Variants in ELAVL1 observed in about 807,000 individuals in gnomAD.
ELAVL1 encodes the protein ELAV-like protein 1.
In ELAVL1, 1 loss-of-function variant was observed where a neutral mutation model predicts 28.4. That is an observed-to-expected ratio of 0.04 (90% confidence interval 0.01 to 0.17). The LOEUF is 0.17. Ranked by LOEUF, ELAVL1 falls within the 10% of genes least tolerant of loss-of-function variation. ELAVL1 has a pLI of 1.00. For missense variants in ELAVL1, 157 were observed against 447.2 expected (o/e 0.35, Z 5.85); for synonymous variants, 174 against 183.5 (o/e 0.95, Z 0.42).
At chr19:7,999,839 C>T (rs528158991) in intron 1 of ELAVL1, among the ~76,000 whole-genome samples, 25 of 152,218 alleles carry the variant, frequency 1.6e-4, no homozygotes, top group Non-Finnish European at 1.3e-4. Flanking sequence ...TGCAGTGGTG[C>T]GATCTTGGCT....
chr19:8,002,944 T>C (rs933382602), intron 1 of ELAVL1, among the ~76,000 whole-genome samples: 1 of 152,122 alleles, frequency 6.6e-6, no homozygotes, highest in Admixed American at 6.6e-5. Context: ...CACAAAGATT[T>C]TAAATCAGAA....
In ELAVL1 at chr19:7,963,382, A is replaced by T; in HGVS notation, c.*101T>A. ...ACTTCTCATTCAGACAAAGACAAACACTTGTGAAAATTGGCGCAAAATGAG... is the reference window on the plus strand; with the variant it reads ...ACTTCTCATTCAGACAAAGACAAACTCTTGTGAAAATTGGCGCAAAATGAG... On this transcript the variant is annotated 3_prime_UTR_variant, in exon 6 of 6. Coordinates refer to ENST00000407627, the MANE Select transcript of ELAVL1 (RefSeq NM_001419.3). The surrounding 1 kb of genome is among the most constrained non-coding windows in gnomAD (Gnocchi z 4.5). 7.3e-7 allele frequency: 1 copy of T among 1,370,550 alleles called. No individual in the cohort carries two copies. The highest frequency in any genetic ancestry group is 9.9e-7 in the Non-Finnish European group (1 of 1,007,292). The allele number at this position is 1,370,550 out of a possible 1,614,324, so 84.9% of individuals were successfully genotyped here.
At chr19:8,003,114 G>A (rs540097858) in intron 1 of ELAVL1, among the ~76,000 whole-genome samples, 20 of 152,080 alleles carry the variant, frequency 1.3e-4, no homozygotes, top group African/African-American at 4.6e-4. Context: ...TGGGCTGGGC[G>A]CGGTGGCTCA....
At chr19:7,994,796 A>C (rs777508692) in intron 1 of ELAVL1, among the ~76,000 whole-genome samples, 2 of 152,200 alleles carry the variant, frequency 1.3e-5, no homozygotes, top group Non-Finnish European at 2.9e-5. Context: ...TCAACAAAAA[A>C]TAAAATAATT....
intron 4 of ELAVL1, among the ~76,000 whole-genome samples, chr19:7,970,989 C>T (rs977314342): frequency 6.6e-6 from 1 of 152,244 alleles, no homozygotes; most frequent in African/African-American, 2.4e-5. Context: ...CACCTTCCCA[C>T]CAATTCTGCA....
chr19:7,973,873 C>T lies in ELAVL1; in HGVS notation c.282G>A (p.Ser94=), dbSNP rs1233192470. The stretch of plus-strand genomic sequence containing the variant: ...TCACCTCTGAGCTCGGGCGAGCATA[C>T]GACACCTTGGGAACACAACCACTTT... ...LRLQSKTIKV[S]YARPSSEVIK... Residue 94 remains serine, a synonymous_variant, in exon 4 of 6, where the codon TCG becomes TCA. Transcript: ENST00000407627. 41 of 1,613,878 alleles carry T rather than the reference C, an allele frequency of 2.5e-5. No homozygotes were observed. The highest frequency in any genetic ancestry group is 2.8e-5 in the Non-Finnish European group (33 of 1,179,924).
chr19:7,991,793 T>A lies in ELAVL1; in HGVS notation c.23A>T (p.His8Leu), dbSNP rs754511831. 6.2e-7 allele frequency: 1 copy of A among 1,613,616 alleles called. No individual in the cohort carries two copies. The highest frequency in any genetic ancestry group is 8.5e-7 in the Non-Finnish European group (1 of 1,179,848). Residue 8 changes from histidine (H) to leucine (L), a missense_variant, in exon 2 of 6, where the codon CAC becomes CTC. By Grantham distance (99) the His-to-Leu change is moderately conservative. This residue lies in a region of ELAVL1 where 22 missense variants were observed against 23.7 expected (regional missense o/e 0.93). Coordinates refer to ENST00000407627, the MANE Select transcript of ELAVL1 (RefSeq NM_001419.3). ...GTCACCCCTGCAGTCTTCGGCCATG[T>A]GGTCTTCATAACCATTAGACATTGT... MSNGYED[H>L]MAEDCRGDIG...
At chr19:7,991,932 C>CTTTTTTTTT (rs398033838) in intron 1 of ELAVL1, 101 bp from the exon 2 acceptor site, 13 of 621,578 alleles carry the variant, frequency 2.1e-5, no homozygotes, top group African/African-American at 6.2e-5. Context: ...TTCTTTCTTT[C>CTTTTTTTTT]TTTTTTTTTT....
chr19:7,989,601 T>C (rs1241127995), intron 2 of ELAVL1, among the ~76,000 whole-genome samples: 1 of 152,216 alleles, frequency 6.6e-6, no homozygotes, highest in African/African-American at 2.4e-5. Flanking sequence ...TGCTCAGGAA[T>C]ATCAAGGAAA....
intron 3 of ELAVL1, among the ~76,000 whole-genome samples, chr19:7,974,867 C>G (rs1985236427): frequency 6.6e-6 from 1 of 152,218 alleles, no homozygotes; most frequent in African/African-American, 2.4e-5. Context: ...CACACAGCAT[C>G]CTCTGAGAAG....
chr19:7,987,772 G>T (rs923482455), intron 2 of ELAVL1, among the ~76,000 whole-genome samples: 1 of 152,220 alleles, frequency 6.6e-6, no homozygotes, highest in African/African-American at 2.4e-5. Flanking sequence ...CCTCCCTCCA[G>T]GAGAGATACT....
At chr19:7,973,438 G>T in intron 4 of ELAVL1, 1 of 448,778 alleles carries the variant, frequency 2.2e-6, no homozygotes, top group Non-Finnish European at 3.9e-6. Context: ...CACCATGTTG[G>T]TCAGGCTGGT....
In ELAVL1 at chr19:7,982,094, G is replaced by C. The variant is rs1438099512; in HGVS notation, c.173-908C>G. 2.6e-5 allele frequency among the ~76,000 whole-genome samples: 4 copies of C among 152,198 alleles called. No homozygotes were observed. On this transcript the variant is annotated intron_variant, in intron 2 of 5. Coordinates refer to ENST00000407627, the MANE Select transcript of ELAVL1 (RefSeq NM_001419.3). The surrounding 1 kb of genome is among the most constrained non-coding windows in gnomAD (Gnocchi z 4.3). ...CCCCCTTTGTGAAACACTCAGCACA[G>C]GTACAAGTGAACACCCACTCACTGG...
In ELAVL1 at chr19:7,967,598, C is replaced by G. The variant is rs1568307419; in HGVS notation, c.623G>C (p.Gly208Ala). Reference sequence around the variant, plus strand: ...CTGCGCCTGGTGGTGAACGGGGCCTCCGAACCGTCGCGCTGGCGAGTGGTA... The same window carrying G: ...CTGCGCCTGGTGGTGAACGGGGCCTGCGAACCGTCGCGCTGGCGAGTGGTA... The part of the protein sequence containing the change: ...QLYHSPARRF[G>A]GPVHHQAQRF... Residue 208 changes from glycine (G) to alanine (A), a missense_variant, in exon 5 of 6, where the codon GGA becomes GCA. Gly to Ala is a moderately conservative substitution (Grantham distance 60, BLOSUM62 0). Around this residue, in one of 4 missense-constraint regions of ELAVL1, gnomAD observed 107 missense variants for 310.4 expected, o/e 0.34. Coordinates refer to ENST00000407627, the MANE Select transcript of ELAVL1 (RefSeq NM_001419.3). 6.2e-7 allele frequency: 1 copy of G among 1,614,076 alleles called. No individual in the cohort carries two copies. Among genetic ancestry groups the G allele is most frequent in the Non-Finnish European group, 8.5e-7 (1 of 1,179,970 alleles).
intron 4 of ELAVL1, among the ~76,000 whole-genome samples, chr19:7,968,692 C>T (rs1263880516): frequency 6.6e-6 from 1 of 152,236 alleles, no homozygotes; most frequent in Non-Finnish European, 1.5e-5. Context: ...ACCTGAGGAC[C>T]GTCCTGCTAT....
intron 1 of ELAVL1, among the ~76,000 whole-genome samples, chr19:8,002,358 C>G (rs2081071071): frequency 6.6e-6 from 1 of 152,196 alleles, no homozygotes; most frequent in African/African-American, 2.4e-5. Context: ...ATAATTCTCA[C>G]AGCACTCATC....
intron 3 of ELAVL1, among the ~76,000 whole-genome samples, chr19:7,980,346 T>C (rs1985423771): frequency 6.6e-6 from 1 of 152,030 alleles, no homozygotes; most frequent in Non-Finnish European, 1.5e-5. Context: ...ACACGAGGCT[T>C]GATACAGGTG....
chr19:8,002,486 C>T (rs1345673355), intron 1 of ELAVL1, among the ~76,000 whole-genome samples: 1 of 152,236 alleles, frequency 6.6e-6, no homozygotes, highest in Non-Finnish European at 1.5e-5. Flanking sequence ...CCTCACTTCC[C>T]TCCCACAGGC....
chr19:7,994,347 T>C (rs911986793), intron 1 of ELAVL1, among the ~76,000 whole-genome samples: 1 of 152,220 alleles, frequency 6.6e-6, no homozygotes, highest in Non-Finnish European at 1.5e-5. Flanking sequence ...CAGAGAGCTG[T>C]AAAGCATCCT....
Sources: allele counts gnomAD v4.1 joint callset (sites outside exome capture counted in the v4.1 genomes callset), GRCh38; gene constraint gnomAD v4.1.1; regional missense constraint gnomAD v4.1.1; non-coding constraint Gnocchi (gnomAD v3.1); transcripts MANE v1.5; gene names NCBI Gene and HGNC (gene_info 2026-07-23, HGNC 2026-07-21).